RPTOR: variants seen among roughly 807,000 people sequenced by gnomAD.
The protein encoded by RPTOR is regulatory-associated protein of mTOR.
RPTOR carries 21 observed loss-of-function variants against 169.9 expected under a neutral mutation model. The observed-to-expected ratio is 0.12, with a 90% CI of 0.09 to 0.18. The LOEUF (loss-of-function observed/expected upper bound fraction) is 0.18. Ranked by LOEUF, RPTOR falls within the 10% of genes least tolerant of loss-of-function variation. The pLI, the probability that RPTOR is intolerant of heterozygous loss-of-function variation, is 1.00. For synonymous variants in RPTOR, 732 were observed against 753.2 expected, an observed-to-expected ratio of 0.97 and a Z score of 0.46; for missense variants, 1,133 against 1,855.9, an observed-to-expected ratio of 0.61 and a Z score of 7.16.
intron 6 of RPTOR, among the ~76,000 whole-genome samples, chr17:80,772,180 C>T (rs1272920335): frequency 6.6e-6 from 1 of 152,178 alleles, no homozygotes; most frequent in Non-Finnish European, 1.5e-5. Flanking sequence ...ACCACACAGG[C>T]CAGAGTCGAA....
intron 2 of RPTOR, among the ~76,000 whole-genome samples, chr17:80,632,866 GT>G (rs1348969754): frequency 6.6e-6 from 1 of 152,082 alleles, no homozygotes; most frequent in African/African-American, 2.4e-5. Context: ...GTGCAGTGGC[GT>G]GATCATAGCT....
chr17:80,667,912 T>G (rs74000892), intron 3 of RPTOR, among the ~76,000 whole-genome samples: 2,413 of 152,314 alleles, frequency 0.016, 68 homozygotes, highest in African/African-American at 0.055. Flanking sequence ...GAAATCATTT[T>G]AGTGGGAAAA....
chr17:80,643,073 G>A (rs1240602942), intron 2 of RPTOR, among the ~76,000 whole-genome samples: 80 of 152,296 alleles, frequency 5.3e-4, no homozygotes, highest in Admixed American at 5.1e-3. Context: ...TTCACATAGA[G>A]TAGATATTGA....
At position 80,625,792 on chromosome 17, in the gene RPTOR, C is replaced by G. The variant is rs142199743; in HGVS notation, c.264C>G (p.Ile88Met). Residue 88 changes from isoleucine (I) to methionine (M), a missense_variant and splice_region_variant, in exon 2 of 34, where the codon ATC becomes ATG. Transcript: ENST00000306801. ...CCTGTGCACGCTTGGAATGCTGGAT[C>G]GGTGAGTATGCCTCCCTCACGCGCT... Reference protein sequence around the residue: ...TTPCARLECWIDPLSMGPQKA... With the variant: ...TTPCARLECWMDPLSMGPQKA... 1.2e-6 allele frequency: 2 copies of G among 1,602,156 alleles called. No individual in the cohort carries two copies. The highest frequency in any genetic ancestry group is 1.7e-6 in the Non-Finnish European group (2 of 1,170,294).
At chr17:80,891,673 A>G (rs1426786376) in intron 17 of RPTOR, 47 bp from the exon 18 acceptor site, 1 of 1,317,534 alleles carries the variant, frequency 7.6e-7, no homozygotes, top group Non-Finnish European at 1.1e-6. Flanking sequence ...CTCCACAATC[A>G]TTTTCCAGCC....
chr17:80,742,784 A>G (rs2066497222), intron 5 of RPTOR, among the ~76,000 whole-genome samples: 1 of 152,086 alleles, frequency 6.6e-6, no homozygotes, highest in Non-Finnish European at 1.5e-5. Context: ...ATACATGTGC[A>G]TACACACATG....
intron 28 of RPTOR, among the ~76,000 whole-genome samples, chr17:80,955,650 A>G (rs951658868): frequency 6.6e-6 from 1 of 152,254 alleles, no homozygotes; most frequent in African/African-American, 2.4e-5. Context: ...TACAGAATAT[A>G]TATAAAAATA....
chr17:80,706,830 A>G (rs2066145759), intron 3 of RPTOR, among the ~76,000 whole-genome samples: 1 of 152,174 alleles, frequency 6.6e-6, no homozygotes, highest in Non-Finnish European at 1.5e-5. Context: ...CATCTTAAGA[A>G]TGTTGACTCA....
Position 80,572,406 on chromosome 17 carries a change from C to CT in RPTOR, c.162+26623dup, listed in dbSNP as rs200995266. On this transcript the variant is annotated intron_variant, in intron 1 of 33. Transcript: ENST00000306801. ...ATATAAGATAATTATATATTTTCTT[C>CT]TTTTTTTTAAAAAAATGCCTGTTCA... Among the ~76,000 whole-genome samples, 9 of 118,806 alleles carry CT rather than the reference C, an allele frequency of 7.6e-5. No individual in the cohort carries two copies. In the East Asian group the frequency reaches 8.6e-4, roughly 11 times the overall value. 77.9% of individuals were successfully genotyped at this position (118,806 alleles called of 152,430 possible).
intron 13 of RPTOR, among the ~76,000 whole-genome samples, chr17:80,875,035 G>A (rs964836218): frequency 6.6e-6 from 1 of 152,212 alleles, no homozygotes; most frequent in Non-Finnish European, 1.5e-5. Context: ...TCAGGGCTTG[G>A]CTCATCATCC....
At position 80,658,181 on chromosome 17, in the gene RPTOR, T is replaced by G. The variant is rs78206600; in HGVS notation, c.348+14371T>G. Among the ~76,000 whole-genome samples, 857 of 152,362 alleles carry G rather than the reference T, an allele frequency of 5.6e-3. 10 individuals are homozygous for G. Among genetic ancestry groups the G allele is most frequent in the African/African-American group, 0.02 (826 of 41,584 alleles). On this transcript the variant is annotated intron_variant, in intron 3 of 33. Coordinates refer to ENST00000306801, the MANE Select transcript of RPTOR (RefSeq NM_020761.3). ...CCACAGTATACAGTCAATATTTATTTAGATTTATCTGCTTCTTTACACTTA... is the reference window on the plus strand; with the variant it reads ...CCACAGTATACAGTCAATATTTATTGAGATTTATCTGCTTCTTTACACTTA...
intron 8 of RPTOR, among the ~76,000 whole-genome samples, 198 bp downstream of exon 8, chr17:80,822,499 C>T (rs2067390556): frequency 6.6e-6 from 1 of 152,218 alleles, no homozygotes; most frequent in African/African-American, 2.4e-5. Flanking sequence ...GCCAGGTTCT[C>T]AGAACGGTGG....
intron 7 of RPTOR, among the ~76,000 whole-genome samples, chr17:80,816,161 T>C (rs1170361901): frequency 1.3e-5 from 2 of 152,236 alleles, no homozygotes; most frequent in Non-Finnish European, 2.9e-5. Flanking sequence ...GTGGAGAACC[T>C]TGTATGTTTG....
chr17:80,886,793 G>A (rs2589129), intron 17 of RPTOR, among the ~76,000 whole-genome samples: 80,398 of 151,930 alleles, frequency 0.53, 21,882 homozygotes, highest in African/African-American at 0.65. Flanking sequence ...GTTCGGAGGA[G>A]GTGCTGCCAA....
At chr17:80,649,539 C>T (rs1026312238) in intron 3 of RPTOR, among the ~76,000 whole-genome samples, 4 of 152,148 alleles carry the variant, frequency 2.6e-5, no homozygotes, top group African/African-American at 7.2e-5. Flanking sequence ...AAAGGCAGAA[C>T]TGTGGGTGGA....
At chr17:80,740,224 T>C (rs768477768) in intron 5 of RPTOR, among the ~76,000 whole-genome samples, 5 of 152,204 alleles carry the variant, frequency 3.3e-5, no homozygotes, top group African/African-American at 7.2e-5. Flanking sequence ...TGTTCAGCAA[T>C]AGATAATCTG....
chr17:80,952,331 G>A (rs4555210), intron 28 of RPTOR, among the ~76,000 whole-genome samples: 23,400 of 152,132 alleles, frequency 0.15, 4,823 homozygotes, highest in African/African-American at 0.48. Flanking sequence ...CTCCATCTTC[G>A]TCAGGTGCTC....
chr17:80,751,949 A>C (rs2066634807), intron 5 of RPTOR, among the ~76,000 whole-genome samples: 1 of 152,228 alleles, frequency 6.6e-6, no homozygotes, highest in South Asian at 2.1e-4. Context: ...GTTGGCCCCT[A>C]CAGCAGAATG....
chr17:80,630,573 G>GC lies in RPTOR; in HGVS notation c.265+4785dup, dbSNP rs574234236. Among the ~76,000 whole-genome samples the GC allele has an allele frequency of 3.0e-3, 456 of 152,300 alleles. 2 individuals are homozygous for GC. The highest frequency in any genetic ancestry group is 0.01 in the African/African-American group (418 of 41,548). On this transcript the variant is annotated intron_variant, in intron 2 of 33. Transcript: ENST00000306801. ...TAAGGCCTTCAACTCATTGGATGAG[G>GC]CCCCCATATTACCAAAGAAAATCTC...
Sources: allele counts gnomAD v4.1 joint callset (sites outside exome capture counted in the v4.1 genomes callset), GRCh38; gene constraint gnomAD v4.1.1; transcripts MANE v1.5; gene names NCBI Gene and HGNC (gene_info 2026-07-23, HGNC 2026-07-21).